The following PPP2R2B variants were observed in gnomAD, a reference collection of about 807,000 sequenced individuals.
PPP2R2B encodes the protein protein phosphatase 2 regulatory subunit Bbeta, also known as serine/threonine-protein phosphatase 2A 55 kDa regulatory subunit B beta isoform.
PPP2R2B carries 5 observed loss-of-function variants against 46.0 expected under a neutral mutation model. The ratio of observed to expected loss-of-function variants is 0.11; its 90% CI spans 0.06 to 0.23. The LOEUF (loss-of-function observed/expected upper bound fraction) is 0.23, where lower values mean the gene tolerates loss of function less well. Among genes scored for constraint, PPP2R2B ranks in the 10% least tolerant of loss-of-function variants. PPP2R2B has a pLI of 1.00. For missense variants in PPP2R2B, 367 were observed against 575.0 expected, an observed-to-expected ratio of 0.64 and a Z score of 3.70; for synonymous variants, 215 against 206.7, an observed-to-expected ratio of 1.04 and a Z score of -0.34.
At chr5:146,806,773 C>A (rs1388294359) in intron 2 of PPP2R2B, among the ~76,000 whole-genome samples, 1 of 152,146 alleles carries the variant, frequency 6.6e-6, no homozygotes, top group Non-Finnish European at 1.5e-5. Context: ...CCTTGGCTGA[C>A]AAATGGAAAA....
Position 146,807,776 on chromosome 5 carries a change from C to CTTTTTTTTTTTTTTTTTTTT in PPP2R2B, c.70+70206_70+70225dup, listed in dbSNP as rs10583721. Among the ~76,000 whole-genome samples the CTTTTTTTTTTTTTTTTTTTT allele has an allele frequency of 3.5e-4, 13 of 36,930 alleles. 4 individuals carry two copies. Among genetic ancestry groups the CTTTTTTTTTTTTTTTTTTTT allele is most frequent in the Non-Finnish European group, 7.2e-4 (13 of 18,068 alleles). 24.2% of individuals were successfully genotyped at this position (36,930 alleles called of 152,430 possible). ...TTGGTTAAACCTCCTGGGGTGCCTTCTTTTTTTTTTTTTTTTTTTTTTTTT... is the reference window on the plus strand; with the variant it reads ...TTGGTTAAACCTCCTGGGGTGCCTTCTTTTTTTTTTTTTTTTTTTTTTTTTTTTTTTTTTTTTTTTTTTTT... On this transcript the variant is annotated intron_variant, in intron 2 of 9. Transcript: ENST00000394411.
intron 2 of PPP2R2B, among the ~76,000 whole-genome samples, chr5:146,867,664 C>T (rs951280620): frequency 7.9e-5 from 12 of 152,108 alleles, no homozygotes; most frequent in East Asian, 1.9e-4. Flanking sequence ...TCCACCACTT[C>T]GGCCACCTCA....
chr5:146,706,678 G>T (rs866502563), intron 2 of PPP2R2B: 1 of 871,296 alleles, frequency 1.1e-6, no homozygotes, highest in Non-Finnish European at 1.9e-6. Flanking sequence ...TCAGCCTGGA[G>T]CCAGCTGATG....
At chr5:146,915,963 A>G (rs1763370664) in intron 1 of PPP2R2B, among the ~76,000 whole-genome samples, 2 of 152,178 alleles carry the variant, frequency 1.3e-5, no homozygotes, top group African/African-American at 2.4e-5. Flanking sequence ...GGTGATGGAA[A>G]AGTCATGTTT....
chr5:146,998,071 C>T (rs1335308649), intron 1 of PPP2R2B, among the ~76,000 whole-genome samples: 1 of 152,194 alleles, frequency 6.6e-6, no homozygotes, highest in Non-Finnish European at 1.5e-5. Context: ...CCAGGCAAGG[C>T]TCATTATAGC....
At chr5:146,910,004 G>A (rs1163542152) in intron 1 of PPP2R2B, among the ~76,000 whole-genome samples, 2 of 152,062 alleles carry the variant, frequency 1.3e-5, no homozygotes, top group African/African-American at 4.8e-5. Context: ...AAATTAATAG[G>A]AAAAACCTGT....
chr5:146,803,196 A>T (rs894614264), intron 2 of PPP2R2B, among the ~76,000 whole-genome samples: 2 of 152,162 alleles, frequency 1.3e-5, no homozygotes, highest in Non-Finnish European at 2.9e-5. Flanking sequence ...ACACTTTTTA[A>T]GTATTAGGAG....
Position 146,828,263 on chromosome 5 carries a change from A to T in PPP2R2B, c.70+49739T>A, listed in dbSNP as rs545693582. ...TAAAATATTACTTTTACTTTTTTTAAAAAAAAAAAAGACATTCTCTTGCTG... is the reference window on the plus strand; with the variant it reads ...TAAAATATTACTTTTACTTTTTTTATAAAAAAAAAAGACATTCTCTTGCTG... On this transcript the variant is annotated intron_variant, in intron 2 of 9. Transcript: ENST00000394411. Among the ~76,000 whole-genome samples, 454 of 141,482 alleles carry T rather than the reference A, an allele frequency of 3.2e-3. 3 individuals carry two copies. Among genetic ancestry groups the T allele is most frequent in the African/African-American group, 0.01 (387 of 38,160 alleles). 92.8% of individuals were successfully genotyped at this position (141,482 alleles called of 152,430 possible).
intron 2 of PPP2R2B, among the ~76,000 whole-genome samples, chr5:146,787,047 C>G (rs2151289750): frequency 6.6e-6 from 1 of 152,292 alleles, no homozygotes; most frequent in South Asian, 2.1e-4. Context: ...TTTCCTATGG[C>G]CATGTGGATC....
rs116403959 is a variant in PPP2R2B, at chr5:146,646,000, T to G, written c.625+4547A>C. 8.9e-3 allele frequency among the ~76,000 whole-genome samples: 1,360 copies of G among 152,338 alleles called. 22 individuals carry two copies. Among genetic ancestry groups the G allele is most frequent in the African/African-American group, 0.031 (1,288 of 41,562 alleles). Reference sequence around the variant, plus strand: ...GTTCATAGTCTTCCTCTTTCAGATCTTAACTAATTCTTCAGCAAAGCCTTC... The same window carrying G: ...GTTCATAGTCTTCCTCTTTCAGATCGTAACTAATTCTTCAGCAAAGCCTTC... On this transcript the variant is annotated intron_variant, in intron 6 of 9. Transcript: ENST00000394411.
At position 147,015,195 on chromosome 5, in the gene PPP2R2B, ATGAC is replaced by A. The variant is rs796706083; in HGVS notation, c.79+40466_79+40469del. On this transcript the variant is annotated intron_variant, in intron 1 of 8. Transcript: ENST00000336640. The stretch of plus-strand genomic sequence containing the variant: ...TGCTTAATAAATGTTCATCAGATGA[ATGAC>A]TGAACCACTTCCAGACCCTCCTTTC... 1.0e-3 allele frequency among the ~76,000 whole-genome samples: 149 copies of A among 149,114 alleles called. 1 individual carries two copies. The highest frequency in any genetic ancestry group is 3.4e-3 in the African/African-American group (139 of 41,448).
At chr5:147,081,038 G>C in intron 2 of PPP2R2B, 1 of 1,529,924 alleles carries the variant, frequency 6.5e-7, no homozygotes, top group Non-Finnish European at 8.8e-7. Flanking sequence ...GCAAGGAAAA[G>C]GGCATGGGGA....
At chr5:146,804,842 A>G (rs1460251365) in intron 2 of PPP2R2B, among the ~76,000 whole-genome samples, 2 of 152,210 alleles carry the variant, frequency 1.3e-5, no homozygotes, top group African/African-American at 4.8e-5. Flanking sequence ...ACACTCCATG[A>G]TGAGTCCTGG....
intron 2 of PPP2R2B, among the ~76,000 whole-genome samples, chr5:146,757,999 C>T (rs556083966): frequency 2.6e-5 from 4 of 152,292 alleles, no homozygotes; most frequent in East Asian, 3.9e-4. Flanking sequence ...CAAGGAAGGA[C>T]ATGAAACCTC....
chr5:146,772,585 G>T (rs757037032), intron 2 of PPP2R2B, among the ~76,000 whole-genome samples: 1 of 151,820 alleles, frequency 6.6e-6, no homozygotes, highest in Non-Finnish European at 1.5e-5. Context: ...ATGCATTTGT[G>T]AATTTGAATT....
At chr5:146,760,660 T>C (rs1754104287) in intron 2 of PPP2R2B, among the ~76,000 whole-genome samples, 1 of 152,138 alleles carries the variant, frequency 6.6e-6, no homozygotes, top group Non-Finnish European at 1.5e-5. Context: ...CTGGAATTAT[T>C]AGTATGGTCT....
chr5:146,983,330 G>A (rs573528135), intron 1 of PPP2R2B, among the ~76,000 whole-genome samples: 50 of 151,800 alleles, frequency 3.3e-4, no homozygotes, highest in South Asian at 8.3e-4. Flanking sequence ...ACAGGCGTCC[G>A]CCACCACGCC....
At position 146,590,133 on chromosome 5, in the gene PPP2R2B, G is replaced by A. The variant is rs769054765; in HGVS notation, c.1146C>T (p.Ser382=). The A allele has an allele frequency of 6.2e-7, 1 of 1,613,430 alleles. No homozygotes were observed. The highest frequency in any genetic ancestry group is 8.5e-7 in the Non-Finnish European group (1 of 1,180,018). The change falls in exon 10 of 10, where the codon AGC becomes AGT. Residue 382 remains serine, a synonymous_variant. Coordinates refer to ENST00000394411, the MANE Select transcript of PPP2R2B (RefSeq NM_181675.4). ...DVTLEASREN[S]KPRAILKPRK... ...GGGGTTTGAGGATAGCCCGGGGCTT[G>A]CTGTTTTCCCTCGAAGCCTCAAGGG...
intron 1 of PPP2R2B, among the ~76,000 whole-genome samples, chr5:147,045,790 G>A (rs540524317): frequency 6.6e-6 from 1 of 152,120 alleles, no homozygotes. Flanking sequence ...CTTGGTCTCT[G>A]TGCTCCAGCT....
Sources: allele counts gnomAD v4.1 joint callset (sites outside exome capture counted in the v4.1 genomes callset), GRCh38; gene constraint gnomAD v4.1.1; transcripts MANE v1.5; gene names NCBI Gene and HGNC (gene_info 2026-07-23, HGNC 2026-07-21).